Variants in LAMA5 observed in about 807,000 individuals in gnomAD.
LAMA5 encodes the protein laminin subunit alpha-5.
Under a neutral mutation model 433.4 loss-of-function variants are expected in LAMA5, and 260 were observed. That is an observed-to-expected ratio of 0.60 (90% confidence interval 0.54 to 0.66). The LOEUF (loss-of-function observed/expected upper bound fraction) is 0.66. Ranked by LOEUF, LAMA5 falls within the 30% of genes least tolerant of loss-of-function variation. LAMA5 has a pLI of 0.00. For synonymous variants in LAMA5, 2,620 were observed against 2,226.6 expected (o/e 1.18, Z -4.97); for missense variants, 5,378 against 5,258.5 (o/e 1.02, Z -0.70).
In LAMA5 at chr20:62,312,193, G is replaced by A. The variant is rs1986348756; in HGVS notation, c.9484C>T (p.Leu3162Phe). The A allele has an allele frequency of 1.2e-6, 2 of 1,610,572 alleles. No homozygotes were observed. Among genetic ancestry groups the A allele is most frequent in the South Asian group, 1.1e-5 (1 of 90,820 alleles). The change falls in exon 69 of 80, where the codon CTC becomes TTC. Residue 3162 changes from leucine to phenylalanine, a missense_variant. By Grantham distance (22) the Leu-to-Phe change is conservative. Transcript: ENST00000252999. ...GFHSAQDSAL[L>F]YYRASPDGLC... ...CTCACCGGGGACGCCCGGTAGTAGA[G>A]CAGGGCACTGTCCTGGGCGCTGTGG... is the stretch of plus-strand genomic sequence containing the variant.
In LAMA5 at chr20:62,310,646, G is replaced by T; in HGVS notation, c.10446+19C>A. 1 of 1,597,868 alleles carries T rather than the reference G, an allele frequency of 6.3e-7. No homozygotes were observed. ...GAACAGTGGGTGGGGAGTGGGGGCT[G>T]GGGCAAGATGGTTCTCACCGGAAGT... On this transcript the variant is annotated intron_variant, in intron 75 of 79. Coordinates refer to ENST00000252999, the MANE Select transcript of LAMA5 (RefSeq NM_005560.6).
rs1207359574 is a variant in LAMA5 at position 62,312,921 on chromosome 20, C to T, written c.9045G>A (p.Gln3015=). The change falls in exon 66 of 80, where the codon CAG becomes CAA. Residue 3015 remains glutamine (Q), a synonymous_variant. Transcript: ENST00000252999. ...GAGLKKAVPL[Q]PPPPLTSASK... is the part of the protein sequence containing the mutation. ...TGGCCGAGGTCAGGGGCGGTGGGGG[C>T]TGCAGTGGGACGGCCTTTTTCAGGC... is the stretch of plus-strand genomic sequence containing the variant. 2 of 1,582,078 alleles carry T rather than the reference C, an allele frequency of 1.3e-6. No individual in the cohort carries two copies. The highest frequency in any genetic ancestry group is 2.2e-5 in the East Asian group (1 of 44,532).
At position 62,332,547 on chromosome 20, in the gene LAMA5, TC is replaced by T. The variant is rs765744800; in HGVS notation, c.3443+9del. On this transcript the variant is annotated intron_variant, in intron 27 of 79. Transcript: ENST00000252999. Reference sequence around the variant, plus strand: ...GTGCCCTTACTCCAGCCCCACCGGCTCCCACTCACCTGTACAGGCAGGGGTG... The same window carrying T: ...GTGCCCTTACTCCAGCCCCACCGGCTCCACTCACCTGTACAGGCAGGGGTG... 6.2e-7 allele frequency: 1 copy of T among 1,600,066 alleles called. No individual in the cohort carries two copies. Among genetic ancestry groups the T allele is most frequent in the Non-Finnish European group, 8.5e-7 (1 of 1,171,240 alleles).
Position 62,347,648 on chromosome 20 carries a change from G to A in LAMA5, c.957-620C>T, listed in dbSNP as rs565452145. On this transcript the variant is annotated intron_variant, in intron 6 of 79. Coordinates refer to ENST00000252999, the MANE Select transcript of LAMA5 (RefSeq NM_005560.6). ...GGGCTGGAATCTTGCCTTACGTCCC[G>A]TGGGCAGGGTGACAGCTGGAGAGAG... 7.2e-5 allele frequency among the ~76,000 whole-genome samples: 11 copies of A among 152,302 alleles called. No homozygotes were observed. In the East Asian group the frequency reaches 9.6e-4, roughly 13 times the overall value.
At position 62,336,799 on chromosome 20, in the gene LAMA5, G is replaced by A. The variant is rs765974643; in HGVS notation, c.2165-13C>T. The stretch of plus-strand genomic sequence containing the variant: ...TGGCAAGAGCCAGCTGTGAAGAGAG[G>A]ACCATGCCTCGGTCATTTCCCAGTG... On this transcript the variant is annotated splice_polypyrimidine_tract_variant and intron_variant, in intron 16 of 79. Coordinates refer to ENST00000252999, the MANE Select transcript of LAMA5 (RefSeq NM_005560.6). 5 of 1,612,004 alleles carry A rather than the reference G, an allele frequency of 3.1e-6. No individual in the cohort carries two copies. The highest frequency in any genetic ancestry group is 4.2e-6 in the Non-Finnish European group (5 of 1,179,872).
chr20:62,309,758 C>T lies in LAMA5; in HGVS notation c.10906G>A (p.Ala3636Thr). The T allele has an allele frequency of 1.9e-6, 3 of 1,604,604 alleles. No individual in the cohort carries two copies. Among genetic ancestry groups the T allele is most frequent in the Non-Finnish European group, 1.7e-6 (2 of 1,177,540 alleles). The change falls in exon 79 of 80, where the codon GCA becomes ACA. Residue 3636 changes from alanine to threonine, a missense_variant. Physicochemically the swap from Ala to Thr is moderately conservative, Grantham distance 58 (BLOSUM62 0). Coordinates refer to ENST00000252999, the MANE Select transcript of LAMA5 (RefSeq NM_005560.6). ...NHTVGPLLAA[A>T]AGAPAPLYLG... ...TACAGAGGGGCTGGGGCACCAGCTG[C>T]AGCCGCCAGCAAGGGGCCCACGGTG...
At chr20:62,320,156 T>C (rs1465274972) in intron 50 of LAMA5, among the ~76,000 whole-genome samples, 2 of 151,632 alleles carry the variant, frequency 1.3e-5, no homozygotes, top group Non-Finnish European at 2.9e-5. Context: ...CCATCTGTAC[T>C]AAAAATACAA....
Position 62,315,931 on chromosome 20 carries a change from G to A in LAMA5, c.7867+17C>T, listed in dbSNP as rs777599730. ...ATGGTCGGCCGGCTGCGAGAGCCGG[G>A]CCCAGGCTCCGCATACCTGTGTCCA... On this transcript the variant is annotated intron_variant, in intron 58 of 79. Coordinates refer to ENST00000252999, the MANE Select transcript of LAMA5 (RefSeq NM_005560.6). 1.3e-6 allele frequency: 2 copies of A among 1,558,180 alleles called. No homozygotes were observed. The highest frequency in any genetic ancestry group is 3.6e-5 in the Admixed American group (2 of 55,616).
rs747660115 is a variant in LAMA5, at chr20:62,329,919, G to A, written c.3980-3C>T. Reference sequence around the variant, plus strand: ...ACAGAAGCTGGCGTTGGCGTGGCCTGGGCGGGGGAGAAAGGCAGGGTCAGG... The same window carrying A: ...ACAGAAGCTGGCGTTGGCGTGGCCTAGGCGGGGGAGAAAGGCAGGGTCAGG... On this transcript the variant is annotated splice_polypyrimidine_tract_variant and splice_region_variant and intron_variant, in intron 31 of 79. Transcript: ENST00000252999. 1 of 1,610,588 alleles carries A rather than the reference G, an allele frequency of 6.2e-7. No homozygotes were observed.
chr20:62,312,346 G>C (rs116057224), intron 68 of LAMA5, 30 bp from the exon 69 acceptor site: 7 of 1,603,306 alleles, frequency 4.4e-6, no homozygotes, highest in Non-Finnish European at 5.9e-6. Context: ...GAGTGCCCGC[G>C]GGTGCCCCTG....
chr20:62,336,404 C>T lies in LAMA5; in HGVS notation c.2259G>A (p.Pro753=), dbSNP rs1261218388. ...PCMCRAHVEG[P]SCDRCKPGFW... The stretch of plus-strand genomic sequence containing the variant: ...ACCCAGGTTTGCAGCGGTCACAGCT[C>T]GGCCCCTCCACGTGAGCCCGGCACA... Residue 753 remains proline (P), a synonymous_variant, in exon 18 of 80, where the codon CCG becomes CCA. Coordinates refer to ENST00000252999, the MANE Select transcript of LAMA5 (RefSeq NM_005560.6). 2.8e-5 allele frequency: 45 copies of T among 1,612,466 alleles called. No homozygotes were observed. Among genetic ancestry groups the T allele is most frequent in the Non-Finnish European group, 3.5e-5 (41 of 1,179,848 alleles).
At position 62,312,778 on chromosome 20, in the gene LAMA5, G is replaced by T. The variant is rs1986456932; in HGVS notation, c.9081C>A (p.Ile3027=). 3 of 1,591,702 alleles carry T rather than the reference G, an allele frequency of 1.9e-6. No individual in the cohort carries two copies. Among genetic ancestry groups the T allele is most frequent in the East Asian group, 4.6e-5 (2 of 43,090 alleles). The change falls in exon 67 of 80, where the codon ATC becomes ATA. Residue 3027 remains isoleucine (I), a splice_region_variant and synonymous_variant. Coordinates refer to ENST00000252999, the MANE Select transcript of LAMA5 (RefSeq NM_005560.6). ...GGCTGCCCCCCAGCAGGAACACCTG[G>T]ATCTACAGGACCAGTGGGGGCTCCA... ...PPPLTSASKA[I]QVFLLGGSRK...
chr20:62,337,939 C>A lies in LAMA5; in HGVS notation c.1892-1G>T. Reference sequence around the variant, plus strand: ...GCTCCCCGAGGGTCGCAGGTGCATGCTGCAGAGGGACAATGGGGTCAGGCC... The same window carrying A: ...GCTCCCCGAGGGTCGCAGGTGCATGATGCAGAGGGACAATGGGGTCAGGCC... On this transcript the variant is annotated splice_acceptor_variant, in intron 14 of 79. Transcript: ENST00000252999. LOFTEE classifies it high-confidence loss of function. 1 of 1,608,162 alleles carries A rather than the reference C, an allele frequency of 6.2e-7. No individual in the cohort carries two copies. The highest frequency in any genetic ancestry group is 1.1e-5 in the South Asian group (1 of 90,550).
chr20:62,324,584 G>C lies in LAMA5; in HGVS notation c.5530-30C>G. ...GGGTGTACGGGGGCAGGTGGCATCA[G>C]CGATTGAGAGGACGAGGGGCCCCAC... On this transcript the variant is annotated intron_variant, in intron 41 of 79. Coordinates refer to ENST00000252999, the MANE Select transcript of LAMA5 (RefSeq NM_005560.6). This position sits in a 1 kb window ranked among gnomAD's most constrained non-coding sequence, Gnocchi z 4.4. 1 of 1,523,832 alleles carries C rather than the reference G, an allele frequency of 6.6e-7. No individual in the cohort carries two copies. The highest frequency in any genetic ancestry group is 1.7e-4 in the Middle Eastern group (1 of 5,916). The allele number at this position is 1,523,832 out of a possible 1,614,324, so 94.4% of individuals were successfully genotyped here. A position where few individuals can be genotyped will look rare whatever the true frequency, so the allele number is the denominator to read the frequency against.
rs935852351 is a variant in LAMA5, at chr20:62,333,601, G to C, written c.2984C>G (p.Thr995Ser). The C allele has an allele frequency of 1.9e-6, 3 of 1,573,396 alleles. No individual in the cohort carries two copies. Among genetic ancestry groups the C allele is most frequent in the African/African-American group, 2.7e-5 (2 of 74,340 alleles). The change falls in exon 24 of 80, where the codon ACC becomes AGC. Residue 995 changes from threonine (T) to serine (S), a missense_variant. Coordinates refer to ENST00000252999, the MANE Select transcript of LAMA5 (RefSeq NM_005560.6). ...FGEPFVLNPG[T>S]WALRVEAEGV... Reference sequence around the variant, plus strand: ...TTCGGCCTCCACACGCAGGGCCCAGGTGCCAGGGTTCAGCACAAAGGGCTC... The same window carrying C: ...TTCGGCCTCCACACGCAGGGCCCAGCTGCCAGGGTTCAGCACAAAGGGCTC...
rs201630378 is a variant in LAMA5, at chr20:62,311,608, G to T, written c.9806+6C>A. ...GACCTTGTCCCCCAGCGCCCACCAGGCTCACCGCTGCACGAAGACGTTGCT... is the reference window on the plus strand; with the variant it reads ...GACCTTGTCCCCCAGCGCCCACCAGTCTCACCGCTGCACGAAGACGTTGCT... On this transcript the variant is annotated splice_donor_region_variant and intron_variant, in intron 71 of 79. Transcript: ENST00000252999. 2.5e-6 allele frequency: 4 copies of T among 1,606,510 alleles called. No homozygotes were observed. The East Asian group carries it at 9.0e-5, about 36-fold the overall frequency.
intron 1 of LAMA5, among the ~76,000 whole-genome samples, chr20:62,363,419 G>A (rs1046719531): frequency 6.6e-6 from 1 of 152,158 alleles, no homozygotes; most frequent in African/African-American, 2.4e-5. Context: ...CCTGGCAGCC[G>A]CTTCTGTCCC....
intron 2 of LAMA5, among the ~76,000 whole-genome samples, chr20:62,360,893 G>A (rs894543885): frequency 6.6e-6 from 1 of 152,122 alleles, no homozygotes; most frequent in Non-Finnish European, 1.5e-5. Flanking sequence ...GCCAAGGGGT[G>A]GTGGAGCCCA....
In LAMA5 at chr20:62,310,921, C is replaced by T. The variant is rs778153698; in HGVS notation, c.10262G>A (p.Arg3421Gln). Reference sequence around the variant, plus strand: ...CCTCACCTTGTGCCAGCGGCCAGGCCGGGAGCGCTGGCGGCTCTGGGCGCG... The same window carrying T: ...CCTCACCTTGTGCCAGCGGCCAGGCTGGGAGCGCTGGCGGCTCTGGGCGCG... ...RLRAQSRQRS[R>Q]PGRWHKVSVR... is the part of the protein sequence containing the mutation. Residue 3421 changes from arginine (R) to glutamine (Q), a missense_variant, in exon 74 of 80, where the codon CGG (arginine) becomes CAG (glutamine). Arg to Gln is a conservative substitution (Grantham distance 43, BLOSUM62 1). Transcript: ENST00000252999. The T allele has an allele frequency of 4.3e-5, 69 of 1,610,746 alleles. No homozygotes were observed. The highest frequency in any genetic ancestry group is 1.5e-4 in the African/African-American group (11 of 75,038).
Sources: allele counts gnomAD v4.1 joint callset (sites outside exome capture counted in the v4.1 genomes callset), GRCh38; gene constraint gnomAD v4.1.1; non-coding constraint Gnocchi (gnomAD v3.1); transcripts MANE v1.5; gene names NCBI Gene and HGNC (gene_info 2026-07-23, HGNC 2026-07-21).